The following CNTNAP5 variants were observed in gnomAD, a reference collection of about 807,000 sequenced individuals.
CNTNAP5 encodes contactin associated protein family member 5.
A neutral mutation model predicts 150.2 loss-of-function variants in CNTNAP5; 72 were observed. That is an observed-to-expected ratio of 0.48 (90% CI 0.40 to 0.58). CNTNAP5 has a LOEUF of 0.58. Ranked by LOEUF, CNTNAP5 falls within the 20% of genes least tolerant of loss-of-function variation. The probability of loss-of-function intolerance (pLI) is 0.00; values close to 1 mark genes in which losing one functional copy is unlikely to be tolerated. For missense variants in CNTNAP5, 1,636 were observed against 1,626.2 expected, an observed-to-expected ratio of 1.01 and a Z score of -0.10; for synonymous variants, 672 against 619.8, an observed-to-expected ratio of 1.08 and a Z score of -1.25.
intron 4 of CNTNAP5, among the ~76,000 whole-genome samples, chr2:124,426,144 T>C (rs1428604449): frequency 6.6e-6 from 1 of 150,994 alleles, no homozygotes; most frequent in Non-Finnish European, 1.5e-5. Context: ...ATTCAGAGTT[T>C]TGATTTTTTT....
chr2:124,781,314 G>A (rs924331746), intron 17 of CNTNAP5, among the ~76,000 whole-genome samples: 28 of 152,176 alleles, frequency 1.8e-4, no homozygotes, highest in South Asian at 6.2e-4. Context: ...TACTCAAGGC[G>A]GTATGAGCAG....
At chr2:124,425,636 T>A (rs200912260) in intron 4 of CNTNAP5, among the ~76,000 whole-genome samples, 1 of 100,802 alleles carries the variant, frequency 9.9e-6, no homozygotes, top group Non-Finnish European at 2.1e-5. Context: ...CTCCTTAGAG[T>A]TCTATTCCAT....
intron 4 of CNTNAP5, among the ~76,000 whole-genome samples, chr2:124,429,309 A>G (rs1692315614): frequency 6.6e-6 from 1 of 152,140 alleles, no homozygotes; most frequent in Admixed American, 6.5e-5. Context: ...CTATGTTAGG[A>G]GTTGTCACAG....
Position 124,524,406 on chromosome 2 carries a change from C to A in CNTNAP5, c.1431C>A (p.Asp477Glu), listed in dbSNP as rs751319412. ...LDDEAAPPAPDSTWVQIYSGN... is the reference protein window; with the variant it reads ...LDDEAAPPAPESTWVQIYSGN... The stretch of plus-strand genomic sequence containing the variant: ...ATGAAGCAGCACCCCCGGCTCCAGA[C>A]AGCACTTGGGTGCAGATTTATTCTG... Residue 477 changes from aspartate to glutamate, a missense_variant, in exon 9 of 24, where the codon GAC becomes GAA. By Grantham distance (45) the Asp-to-Glu change is conservative. Transcript: ENST00000682447. The A allele has an allele frequency of 4.5e-5, 72 of 1,613,590 alleles. No homozygotes were observed. Among genetic ancestry groups the A allele is most frequent in the Non-Finnish European group, 5.7e-5 (67 of 1,179,792 alleles).
rs577639754 is a variant in CNTNAP5, at chr2:124,679,625, G to C, written c.2077+31667G>C. ...GACAGGGTCTCTGTCATTCAGGTTG[G>C]AGTGCAGTGATGCAATCACTGCAGC... is the stretch of plus-strand genomic sequence containing the variant. On this transcript the variant is annotated intron_variant, in intron 13 of 23. Coordinates refer to ENST00000682447, the MANE Select transcript of CNTNAP5 (RefSeq NM_001367498.1). Among the ~76,000 whole-genome samples the C allele has an allele frequency of 7.3e-4, 111 of 151,514 alleles. 4 individuals carry two copies. The South Asian group carries it at 0.022, about 31-fold the overall frequency.
intron 8 of CNTNAP5, among the ~76,000 whole-genome samples, chr2:124,515,806 C>A (rs1290509234): frequency 6.6e-6 from 1 of 152,112 alleles, no homozygotes; most frequent in East Asian, 1.9e-4. Flanking sequence ...GCAGGGAATT[C>A]TTGTAAGGAT....
chr2:124,409,729 G>A (rs1198953407), intron 3 of CNTNAP5, among the ~76,000 whole-genome samples: 5 of 149,284 alleles, frequency 3.3e-5, no homozygotes, highest in Non-Finnish European at 6.0e-5. Flanking sequence ...TGAAGGAAGC[G>A]CTAAACATGG....
Position 124,885,301 on chromosome 2 carries a change from T to C in CNTNAP5, c.3436+15539T>C, listed in dbSNP as rs564160705. ...TTTCCCTTACTTAAAGTCAACTGAT[T>C]GTGGATGTCATTCACGTTTACAACA... On this transcript the variant is annotated intron_variant, in intron 21 of 23. Transcript: ENST00000682447. Among the ~76,000 whole-genome samples the C allele has an allele frequency of 7.9e-5, 12 of 152,130 alleles. 1 individual carries two copies. The highest frequency in any genetic ancestry group is 2.9e-4 in the African/African-American group (12 of 41,510).
intron 3 of CNTNAP5, among the ~76,000 whole-genome samples, chr2:124,314,850 A>C (rs2104661699): frequency 6.6e-6 from 1 of 152,316 alleles, no homozygotes; most frequent in Non-Finnish European, 1.5e-5. Flanking sequence ...CTTATCTAAT[A>C]AAATATCATT....
chr2:124,342,647 T>C (rs954037494), intron 3 of CNTNAP5, among the ~76,000 whole-genome samples: 6 of 152,074 alleles, frequency 3.9e-5, no homozygotes, highest in Non-Finnish European at 8.8e-5. Flanking sequence ...AAAATGAGAA[T>C]ACTCAGGAAT....
intron 11 of CNTNAP5, among the ~76,000 whole-genome samples, chr2:124,598,599 TTGTC>T (rs1372395127): frequency 6.6e-6 from 1 of 150,634 alleles, no homozygotes; most frequent in Non-Finnish European, 1.5e-5. Context: ...GTCTTTTTGT[TTGTC>T]TGTGCCCTGC....
chr2:124,621,820 G>A (rs1276378024), intron 12 of CNTNAP5, among the ~76,000 whole-genome samples: 1 of 152,126 alleles, frequency 6.6e-6, no homozygotes, highest in African/African-American at 2.4e-5. Flanking sequence ...TTCTTAGGAT[G>A]TTGTTAATTT....
intron 19 of CNTNAP5, among the ~76,000 whole-genome samples, chr2:124,836,426 C>G (rs1276619236): frequency 6.6e-6 from 1 of 152,104 alleles, no homozygotes; most frequent in Non-Finnish European, 1.5e-5. Flanking sequence ...CTTTCATTGT[C>G]AAATATTCAT....
intron 16 of CNTNAP5, among the ~76,000 whole-genome samples, chr2:124,768,355 A>G (rs1681113903): frequency 6.6e-6 from 1 of 151,418 alleles, no homozygotes; most frequent in African/African-American, 2.4e-5. Context: ...TATGAGAGAA[A>G]AGAAAGAGAG....
chr2:124,768,162 C>T (rs1447916018), intron 16 of CNTNAP5, among the ~76,000 whole-genome samples: 2 of 152,038 alleles, frequency 1.3e-5, no homozygotes, highest in African/African-American at 4.8e-5. Context: ...AATGAGGATT[C>T]TTCTAAGGCA....
At chr2:124,028,301 G>A (rs1680953349) in intron 1 of CNTNAP5, among the ~76,000 whole-genome samples, 3 of 39,682 alleles carry the variant, frequency 7.6e-5, no homozygotes, top group Non-Finnish European at 1.4e-4. Flanking sequence ...GGTGTGGTGT[G>A]TATGTGTGTG....
At chr2:124,544,452 T>C (rs1480785582) in intron 10 of CNTNAP5, among the ~76,000 whole-genome samples, 2 of 152,216 alleles carry the variant, frequency 1.3e-5, no homozygotes, top group Admixed American at 6.5e-5. Context: ...TAGTTCTTAA[T>C]CCTCTTCTCA....
At chr2:124,905,193 C>T (rs1405990884) in intron 22 of CNTNAP5, among the ~76,000 whole-genome samples, 2 of 147,146 alleles carry the variant, frequency 1.4e-5, no homozygotes, top group East Asian at 2.0e-4. Context: ...CTTAACATCA[C>T]TGATCGTCAG....
chr2:124,081,092 T>C (rs1682550571), intron 1 of CNTNAP5, among the ~76,000 whole-genome samples: 2 of 151,898 alleles, frequency 1.3e-5, no homozygotes, highest in East Asian at 1.9e-4. Flanking sequence ...AACTGTCTTA[T>C]AAAAATTAGG....
Sources: allele counts gnomAD v4.1 joint callset (sites outside exome capture counted in the v4.1 genomes callset), GRCh38; gene constraint gnomAD v4.1.1; transcripts MANE v1.5; gene names NCBI Gene and HGNC (gene_info 2026-07-23, HGNC 2026-07-21).